The following SETD1B variants were observed in gnomAD, a reference collection of about 807,000 sequenced individuals.
SETD1B encodes histone-lysine N-methyltransferase SETD1B.
A neutral mutation model predicts 148.0 loss-of-function variants in SETD1B; 7 were observed. That is an observed-to-expected ratio of 0.05 (90% CI 0.03 to 0.09). The LOEUF is 0.09. Ranked by LOEUF, SETD1B falls within the 10% of genes least tolerant of loss-of-function variation. SETD1B has a pLI of 1.00. For synonymous variants in SETD1B, 1,361 were observed against 1,186.5 expected, an observed-to-expected ratio of 1.15 and a Z score of -3.02; for missense variants, 2,155 against 2,729.9, an observed-to-expected ratio of 0.79 and a Z score of 4.69.
the SETD1B span, chr12:121,797,260 C>T: frequency 5.5e-6 from 2 of 362,520 alleles, no homozygotes; most frequent in South Asian, 2.0e-5. Flanking sequence ...GCGGGGATGC[C>T]GGCGACTCAG....
At chr12:121,816,342 G>C (rs1276744389) in intron 7 of SETD1B, among the ~76,000 whole-genome samples, 1 of 144,256 alleles carries the variant, frequency 6.9e-6, no homozygotes, top group Admixed American at 7.3e-5. Context: ...CTTGCTTTCT[G>C]CCACAGAGGT....
chr12:121,812,786 G>A (rs1876101250), intron 6 of SETD1B, among the ~76,000 whole-genome samples: 1 of 152,102 alleles, frequency 6.6e-6, no homozygotes, highest in Non-Finnish European at 1.5e-5. Flanking sequence ...GTGTGTATGT[G>A]TGCACAGAGG....
At chr12:121,824,932 G>A (rs1876765515) in intron 12 of SETD1B, among the ~76,000 whole-genome samples, 1 of 145,368 alleles carries the variant, frequency 6.9e-6, no homozygotes, top group Admixed American at 7.0e-5. Flanking sequence ...GCAGTAAGCT[G>A]AGATTGCACC....
rs549166949 is a variant in SETD1B at position 121,812,129 on chromosome 12, C to T, written c.1890+1294C>T. On this transcript the variant is annotated intron_variant, in intron 6 of 16. Transcript: ENST00000604567. ...GGAGTCGCCGAGTGCCGGGAAGCTC[C>T]GGGCCGGCCCGCGGGCGCCCCCTGC... 2.6e-5 allele frequency among the ~76,000 whole-genome samples: 4 copies of T among 152,236 alleles called. No individual in the cohort carries two copies. The South Asian group carries it at 6.2e-4, about 24-fold the overall frequency.
At chr12:121,793,382 C>A in the SETD1B span, 1 of 1,461,326 alleles carries the variant, frequency 6.8e-7, no homozygotes, top group African/African-American at 1.4e-5. Context: ...AGGGGGCGCC[C>A]CGGGGTGGCG....
rs59528580 is a variant in SETD1B, at chr12:121,831,896, GT to G, written c.*1667del. 302 of 148,728 alleles carry G rather than the reference GT, an allele frequency of 2.0e-3. No individual in the cohort carries two copies. The highest frequency in any genetic ancestry group is 1.3e-3 in the South Asian group (6 of 4,726). 9.2% of individuals were successfully genotyped at this position (148,728 alleles called of 1,614,324 possible). ...GTGGTTTTGTTGTGTGTTTTTTGTT[GT>G]TTTTTTTTTATTCCTTTCCCCCAGG... On this transcript the variant is annotated 3_prime_UTR_variant, in exon 17 of 17. Transcript: ENST00000604567.
intron 11 of SETD1B, among the ~76,000 whole-genome samples, chr12:121,821,981 C>T (rs1876584959): frequency 6.6e-6 from 1 of 152,114 alleles, no homozygotes; most frequent in African/African-American, 2.4e-5. Flanking sequence ...ACTCAGGAGC[C>T]TTAGGCAGGA....
At chr12:121,829,709 A>T (rs1412102761) in intron 16 of SETD1B, among the ~76,000 whole-genome samples, 2 of 152,204 alleles carry the variant, frequency 1.3e-5, no homozygotes, top group East Asian at 3.9e-4. Context: ...GGATATGGCT[A>T]TGTGCCAGTA....
At chr12:121,818,877 G>A (rs1485591111) in intron 10 of SETD1B, among the ~76,000 whole-genome samples, 9 of 143,746 alleles carry the variant, frequency 6.3e-5, no homozygotes, top group Non-Finnish European at 9.1e-5. Flanking sequence ...GCGACAGAGC[G>A]AGACTCCGTC....
At position 121,817,104 on chromosome 12, in the gene SETD1B, C is replaced by G; in HGVS notation, c.2787C>G (p.Ala929=). 6.5e-7 allele frequency: 1 copy of G among 1,549,172 alleles called. No individual in the cohort carries two copies. The highest frequency in any genetic ancestry group is 8.7e-7 in the Non-Finnish European group (1 of 1,146,816). The part of the protein sequence containing the change: ...EDRPKPKDRI[A]SCLLESWGKG... ...GGCCGAAGCCCAAGGACCGCATCGC[C>G]TCGTGCCTGCTGGAGTCATGGGGCA... Residue 929 remains alanine (A), a synonymous_variant, in exon 8 of 17, where the codon GCC becomes GCG. Coordinates refer to ENST00000604567, the MANE Select transcript of SETD1B (RefSeq NM_001353345.2). The surrounding 1 kb of genome is among the most constrained non-coding windows in gnomAD (Gnocchi z 8.1).
chr12:121,824,418 G>A (rs1346343980), intron 12 of SETD1B, among the ~76,000 whole-genome samples: 9 of 152,128 alleles, frequency 5.9e-5, no homozygotes, highest in East Asian at 3.8e-4. Context: ...AGGCTGAGGC[G>A]GACGGATCAC....
chr12:121,798,470 A>T, the SETD1B span, among the ~76,000 whole-genome samples: 20 of 152,224 alleles, frequency 1.3e-4, no homozygotes, highest in Admixed American at 1.3e-3. Flanking sequence ...ATCACAATGG[A>T]GGCCAACTAA....
intron 7 of SETD1B, among the ~76,000 whole-genome samples, chr12:121,815,562 T>C (rs1277741206): frequency 6.6e-6 from 1 of 152,010 alleles, no homozygotes; most frequent in Non-Finnish European, 1.5e-5. Flanking sequence ...CAGGCTGGAG[T>C]GTAGTGGCGC....
Position 121,805,814 on chromosome 12 carries a change from T to C in SETD1B, c.274-21T>C. ...AGGTTTAAACGTTCTTCAAACTCCC[T>C]TCCCCCTCGGCCCCTGCCAGATCGA... On this transcript the variant is annotated intron_variant, in intron 3 of 16. Transcript: ENST00000604567. This position sits in a 1 kb window ranked among gnomAD's most constrained non-coding sequence, Gnocchi z 4.2. 1 of 1,547,316 alleles carries C rather than the reference T, an allele frequency of 6.5e-7. No individual in the cohort carries two copies. Among genetic ancestry groups the C allele is most frequent in the Non-Finnish European group, 8.7e-7 (1 of 1,143,844 alleles).
chr12:121,807,152 G>A (rs1398072422), intron 4 of SETD1B, among the ~76,000 whole-genome samples: 5 of 152,106 alleles, frequency 3.3e-5, no homozygotes, highest in Admixed American at 2.0e-4. Flanking sequence ...TGTATTGACC[G>A]AGCTCTAAGC....
chr12:121,810,008 G>A lies in SETD1B; in HGVS notation c.1063G>A (p.Gly355Arg), dbSNP rs925813523. ...AFRGSSDLPF[G>R]AVGGTGGSSG... The stretch of plus-strand genomic sequence containing the variant: ...CCGGGGTTCCTCGGACCTCCCGTTC[G>A]GAGCAGTCGGCGGCACTGGGGGCAG... Residue 355 changes from glycine (G) to arginine (R), a missense_variant, in exon 6 of 17, where the codon GGA (glycine) becomes AGA (arginine). Transcript: ENST00000604567. The surrounding 1 kb of genome is among the most constrained non-coding windows in gnomAD (Gnocchi z 7.6). 8.4e-6 allele frequency: 13 copies of A among 1,550,426 alleles called. No homozygotes were observed. The highest frequency in any genetic ancestry group is 8.2e-5 in the African/African-American group (6 of 73,024).
chr12:121,825,599 A>AC (rs1441782063), intron 13 of SETD1B, among the ~76,000 whole-genome samples: 2 of 151,504 alleles, frequency 1.3e-5, no homozygotes, highest in South Asian at 4.2e-4. Flanking sequence ...TAGGGATGTG[A>AC]CGGAGCTGTA....
At chr12:121,798,910 T>C in the SETD1B span, among the ~76,000 whole-genome samples, 1 of 152,182 alleles carries the variant, frequency 6.6e-6, no homozygotes, top group Non-Finnish European at 1.5e-5. Flanking sequence ...ATGAAATCAA[T>C]TACTATGTGC....
chr12:121,811,115 T>C (rs1876012925), intron 6 of SETD1B, among the ~76,000 whole-genome samples: 1 of 152,222 alleles, frequency 6.6e-6, no homozygotes, highest in African/African-American at 2.4e-5. Flanking sequence ...AGTCAGCTTT[T>C]CCTAGGGATA....
Sources: allele counts gnomAD v4.1 joint callset (sites outside exome capture counted in the v4.1 genomes callset), GRCh38; gene constraint gnomAD v4.1.1; non-coding constraint Gnocchi (gnomAD v3.1); transcripts MANE v1.5; gene names NCBI Gene and HGNC (gene_info 2026-07-23, HGNC 2026-07-21).